RENBP: variants seen among roughly 807,000 people sequenced by gnomAD.
The protein encoded by RENBP is N-acylglucosamine 2-epimerase.
RENBP carries 16 observed loss-of-function variants against 37.8 expected under a neutral mutation model. The ratio of observed to expected loss-of-function variants is 0.42; its 90% CI spans 0.29 to 0.64. RENBP has a LOEUF of 0.64. RENBP is among the 30% of genes least tolerant of loss of function. RENBP has a pLI of 0.19. For synonymous variants in RENBP, 170 were observed against 154.8 expected (o/e 1.10, Z -0.73); for missense variants, 347 against 379.5 (o/e 0.91, Z 0.71).
In RENBP at chrX:153,942,861, G is replaced by A. The variant is rs782458747; in HGVS notation, c.681C>T (p.His227=). Residue 227 remains histidine (H), a synonymous_variant, in exon 6 of 11, where the codon CAC becomes CAT. Transcript: ENST00000393700. The part of the protein sequence containing the change: ...GDWCARRILQ[H]VQRDGQAVLE... ...CTCCCCAGGCATCCCCCACCTGCAC[G>A]TGCTGCAGAATCCTCCGGGCGCACC... 1.2e-5 allele frequency: 14 copies of A among 1,164,955 alleles called. No homozygotes were observed. In the East Asian group the frequency reaches 1.3e-4, roughly 11 times the overall value.
chrX:153,942,717 G>T, intron 6 of RENBP, 138 bp downstream of exon 6: 1 of 534,927 alleles, frequency 1.9e-6, no homozygotes, highest in Non-Finnish European at 3.2e-6. Flanking sequence ...CCTCCCTCCA[G>T]CCCTCAGGCC....
rs782253604 is a variant in RENBP at position 153,940,143 on chromosome X, G to A, written c.1036C>T (p.Leu346=). The A allele has an allele frequency of 8.3e-6, 10 of 1,210,906 alleles. No homozygotes were observed. Among genetic ancestry groups the A allele is most frequent in the Non-Finnish European group, 1.1e-5 (10 of 895,117 alleles). The change falls in exon 9 of 11, where the codon CTG becomes TTG. Residue 346 remains leucine, a synonymous_variant. Transcript: ENST00000393700. The part of the protein sequence containing the change: ...GYSDSGDPVL[L]RLFYQVAEYT... ...TCAGCCACTTGGTAGAAGAGGCGCA[G>A]CAGCACAGGGTCCCCACTGTCACTG...
intron 5 of RENBP, 81 bp from the exon 6 acceptor site, chrX:153,943,160 A>T: frequency 1.3e-6 from 1 of 752,158 alleles, no homozygotes; most frequent in East Asian, 3.6e-5. Context: ...CTGGGGTGGG[A>T]GAGCCAATTC....
intron 1 of RENBP, 45 bp downstream of exon 1, chrX:153,944,539 G>A: frequency 2.6e-6 from 3 of 1,173,175 alleles, no homozygotes; most frequent in Non-Finnish European, 2.3e-6. Flanking sequence ...CACCATCCCC[G>A]GGACCCTCCA....
rs149154847 is a variant in RENBP, at chrX:153,941,525, C to T, written c.898G>A (p.Gly300Arg). 8.3e-6 allele frequency: 10 copies of T among 1,208,618 alleles called. No homozygotes were observed. Among genetic ancestry groups the T allele is most frequent in the African/African-American group, 3.5e-5 (2 of 56,803 alleles). The change falls in exon 8 of 11, where the codon GGA (glycine) becomes AGA (arginine). Residue 300 changes from glycine (G) to arginine (R), a missense_variant. Coordinates refer to ENST00000393700, the MANE Select transcript of RENBP (RefSeq NM_002910.6). ...GCATCCTGGAAGTAAAAGAGGCCTC[C>T]GTGGTCAGGGTCCCATCCGGAGTGG... Reference protein sequence around the residue: ...PFHSGWDPDHGGLFYFQDADN... With the variant: ...PFHSGWDPDHRGLFYFQDADN...
In RENBP at chrX:153,943,013, G is replaced by T; in HGVS notation, c.529C>A (p.Arg177=). ...GCCGGGGCCCCCTGGAGCTGGGGCC[G>T]GCCCAGTCCCGACGCGTCCTCCTGC... The part of the protein sequence containing the change: ...WVQEDASGLG[R]PQLQGAPAAE... The change falls in exon 6 of 11, where the codon CGG becomes AGG. Residue 177 remains arginine, a synonymous_variant. Coordinates refer to ENST00000393700, the MANE Select transcript of RENBP (RefSeq NM_002910.6). 8.3e-7 allele frequency: 1 copy of T among 1,206,980 alleles called. No individual in the cohort carries two copies. Among genetic ancestry groups the T allele is most frequent in the Non-Finnish European group, 1.1e-6 (1 of 893,004 alleles).
intron 6 of RENBP, 168 bp downstream of exon 6, chrX:153,942,687 G>C (rs4898465): frequency 0.3 from 139,829 of 465,907 alleles, 19,457 homozygotes; most frequent in East Asian, 0.75. Context: ...TTCTGTCAGG[G>C]CTTGCCTGGG....
intron 9 of RENBP, among the ~76,000 whole-genome samples, chrX:153,939,672 T>G (rs1369412848): frequency 9.0e-6 from 1 of 111,297 alleles, no homozygotes; most frequent in Non-Finnish European, 1.9e-5. Context: ...GTCCGTCCCT[T>G]GCCCACTCTG....
rs782587570 is a variant in RENBP, at chrX:153,944,345, G to A, written c.101C>T (p.Ala34Val). 5.8e-6 allele frequency: 7 copies of A among 1,211,306 alleles called. No homozygotes were observed. Among genetic ancestry groups the A allele is most frequent in the Non-Finnish European group, 7.8e-6 (7 of 895,129 alleles). Residue 34 changes from alanine (A) to valine (V), a missense_variant, in exon 2 of 11, where the codon GCT (alanine) becomes GTT (valine). Physicochemically the swap from Ala to Val is moderately conservative, Grantham distance 64. Coordinates refer to ENST00000393700, the MANE Select transcript of RENBP (RefSeq NM_002910.6). Reference protein sequence around the residue: ...RVGQELDRVVAFWMEHSHDQE... With the variant: ...RVGQELDRVVVFWMEHSHDQE... ...GTCGTGGGAGTGCTCCATCCAGAAAGCCACCACGCGGTCCAGCTCCTGCCC... is the reference window on the plus strand; with the variant it reads ...GTCGTGGGAGTGCTCCATCCAGAAAACCACCACGCGGTCCAGCTCCTGCCC...
At chrX:153,942,680 T>G (rs781786861) in intron 6 of RENBP, 175 bp downstream of exon 6, 8 of 456,085 alleles carry the variant, frequency 1.8e-5, no homozygotes, top group South Asian at 1.6e-4. Context: ...GGTCTCCTTC[T>G]GTCAGGGCTT....
rs1008249707 is a variant in RENBP, at chrX:153,941,351, C to A, written c.945+127G>T. 2.7e-5 allele frequency: 18 copies of A among 657,880 alleles called. No homozygotes were observed. The Admixed American group carries it at 4.0e-4, about 15-fold the overall frequency. The allele number at this position is 657,880 out of a possible 1,213,427, so 54.2% of individuals were successfully genotyped here. On this transcript the variant is annotated intron_variant, in intron 8 of 10. Coordinates refer to ENST00000393700, the MANE Select transcript of RENBP (RefSeq NM_002910.6). ...CGACCCCTTTCCTGTAACACTGGCA[C>A]AGAAGCTGAGAGCAGGCCTCTAGGT...
At chrX:153,941,833 C>G in intron 7 of RENBP, 117 bp downstream of exon 7, 2 of 788,161 alleles carry the variant, frequency 2.5e-6, no homozygotes, top group South Asian at 4.4e-5. Context: ...GAAGCCCATC[C>G]TCGCTCCTCT....
chrX:153,941,722 A>G (rs2065227501), intron 7 of RENBP, 69 bp from the exon 8 acceptor site: 1 of 834,399 alleles, frequency 1.2e-6, no homozygotes, highest in Admixed American at 2.9e-5. Flanking sequence ...CAGAGGGAGC[A>G]AAAGCCCCTG....
intron 4 of RENBP, 26 bp from the exon 5 acceptor site, chrX:153,943,744 AG>A: frequency 1.7e-6 from 2 of 1,203,481 alleles, no homozygotes; most frequent in South Asian, 3.6e-5. Flanking sequence ...TTGGCATGCC[AG>A]GGGTAAGGCC....
In RENBP at chrX:153,941,598, G is replaced by A. The variant is rs143192047; in HGVS notation, c.825C>T (p.Asp275=). 3.6e-4 allele frequency: 428 copies of A among 1,203,584 alleles called. No homozygotes were observed. Among genetic ancestry groups the A allele is most frequent in the Middle Eastern group, 2.8e-3 (12 of 4,360 alleles). The change falls in exon 8 of 11, where the codon GAC becomes GAT. Residue 275 remains aspartate (D), a synonymous_variant. Coordinates refer to ENST00000393700, the MANE Select transcript of RENBP (RefSeq NM_002910.6). ...CAATCACGTGGGCTCGAAGTTCGGG[G>A]TCGCCTTTCCGAATGCAATGACGGA... ...FLLRHCIRKG[D]PELRAHVIDK...
Position 153,940,108 on chromosome X carries a change from G to T in RENBP, c.1071C>A (p.Phe357Leu), listed in dbSNP as rs1454013630. 5 of 1,209,062 alleles carry T rather than the reference G, an allele frequency of 4.1e-6. No individual in the cohort carries two copies. The highest frequency in any genetic ancestry group is 4.5e-6 in the Non-Finnish European group (4 of 894,998). The part of the protein sequence containing the change: ...RLFYQVAEYT[F>L]RQFRDPEYGE... The stretch of plus-strand genomic sequence containing the variant: ...ACAAGGAGGCAGCTCTCACCTGGCG[G>T]AAGGTGTACTCAGCCACTTGGTAGA... Residue 357 changes from phenylalanine to leucine, a missense_variant, in exon 9 of 11, where the codon TTC (phenylalanine) becomes TTA (leucine). Coordinates refer to ENST00000393700, the MANE Select transcript of RENBP (RefSeq NM_002910.6).
At chrX:153,936,748 C>G (rs1557108654) in intron 9 of RENBP, among the ~76,000 whole-genome samples, 1 of 111,176 alleles carries the variant, frequency 9.0e-6, no homozygotes, top group African/African-American at 3.3e-5. Context: ...CTTCTCTCTC[C>G]ACTAGCATTC....
chrX:153,940,085 A>G lies in RENBP; in HGVS notation c.1077+17T>C. Reference sequence around the variant, plus strand: ...CCCCCATTCAGCCTCTAGAGGGGACAAGGAGGCAGCTCTCACCTGGCGGAA... The same window carrying G: ...CCCCCATTCAGCCTCTAGAGGGGACGAGGAGGCAGCTCTCACCTGGCGGAA... On this transcript the variant is annotated intron_variant, in intron 9 of 10. Transcript: ENST00000393700. The G allele has an allele frequency of 2.5e-6, 3 of 1,209,783 alleles. No homozygotes were observed. The highest frequency in any genetic ancestry group is 3.4e-6 in the Non-Finnish European group (3 of 894,306).
rs2065239263 is a variant in RENBP at position 153,944,083 on chromosome X, C to T, written c.210G>A (p.Arg70=). ...DDLKYVWLQG[R]QVWMYCRLYR... is the part of the protein sequence containing the mutation. ...TTCCAGGCTGGGAACACCATACCTGCCTCCCCTGCAGCCACACATACTTGA... is the reference window on the plus strand; with the variant it reads ...TTCCAGGCTGGGAACACCATACCTGTCTCCCCTGCAGCCACACATACTTGA... The change falls in exon 3 of 11, where the codon AGG becomes AGA. Residue 70 remains arginine (R), a synonymous_variant. Coordinates refer to ENST00000393700, the MANE Select transcript of RENBP (RefSeq NM_002910.6). 8.3e-7 allele frequency: 1 copy of T among 1,208,455 alleles called. No individual in the cohort carries two copies. Among genetic ancestry groups the T allele is most frequent in the Non-Finnish European group, 1.1e-6 (1 of 894,190 alleles).
Sources: gnomAD v4.1 joint callset for allele counts (sites outside exome capture counted in the v4.1 genomes callset) on GRCh38, gnomAD v4.1.1 for gene constraint, MANE v1.5 for transcripts, NCBI Gene and HGNC (gene_info 2026-07-23, HGNC 2026-07-21) for gene names.